The following SEMA3E variants were observed in gnomAD, a reference collection of about 807,000 sequenced individuals.
SEMA3E encodes the protein semaphorin-3E.
A neutral mutation model predicts 93.6 loss-of-function variants in SEMA3E; 49 were observed. The ratio of observed to expected loss-of-function variants is 0.52; its 90% confidence interval spans 0.42 to 0.66. The LOEUF (loss-of-function observed/expected upper bound fraction) is 0.66. SEMA3E is among the 30% of genes least tolerant of loss of function. SEMA3E has a pLI of 0.00. For synonymous variants in SEMA3E, 363 were observed against 330.7 expected (o/e 1.10, Z -1.06); for missense variants, 906 against 964.8 (o/e 0.94, Z 0.81).
At chr7:83,541,984 C>T (rs1005614240) in intron 1 of SEMA3E, among the ~76,000 whole-genome samples, 1 of 151,976 alleles carries the variant, frequency 6.6e-6, no homozygotes, top group African/African-American at 2.4e-5. Flanking sequence ...TTGCTTGGTG[C>T]TACAGTCAGC....
intron 2 of SEMA3E, among the ~76,000 whole-genome samples, chr7:83,470,929 A>C (rs1789880979): frequency 6.7e-6 from 1 of 150,154 alleles, no homozygotes; most frequent in East Asian, 2.0e-4. Flanking sequence ...CCCCTCATAC[A>C]AGGCCATATA....
intron 1 of SEMA3E, among the ~76,000 whole-genome samples, chr7:83,609,595 C>T (rs975827312): frequency 6.6e-6 from 1 of 151,938 alleles, no homozygotes; most frequent in African/African-American, 2.4e-5. Context: ...ATACCACTCT[C>T]ATTCAAACAA....
chr7:83,414,323 T>G (rs1788500653), intron 5 of SEMA3E, among the ~76,000 whole-genome samples: 2 of 150,286 alleles, frequency 1.3e-5, no homozygotes, highest in Non-Finnish European at 3.0e-5. Context: ...ATATAGTTAA[T>G]TAAAAATAAA....
intron 1 of SEMA3E, among the ~76,000 whole-genome samples, chr7:83,525,850 T>C (rs934609727): frequency 6.7e-5 from 10 of 149,894 alleles, no homozygotes; most frequent in Non-Finnish European, 4.4e-5. Flanking sequence ...CCAGTGATCT[T>C]GGGTTGTATA....
At chr7:83,624,052 A>G (rs1346509236) in intron 1 of SEMA3E, among the ~76,000 whole-genome samples, 1 of 152,008 alleles carries the variant, frequency 6.6e-6, no homozygotes, top group East Asian at 1.9e-4. Flanking sequence ...AAGGGCATGA[A>G]CTCATTCTTT....
At chr7:83,449,888 T>C (rs1335934558) in intron 4 of SEMA3E, among the ~76,000 whole-genome samples, 1 of 152,224 alleles carries the variant, frequency 6.6e-6, no homozygotes, top group East Asian at 1.9e-4. Context: ...ATTTTCTGTA[T>C]GCTGAGTATT....
intron 10 of SEMA3E, among the ~76,000 whole-genome samples, chr7:83,400,562 G>A (rs1230393520): frequency 6.6e-6 from 1 of 151,746 alleles, no homozygotes; most frequent in East Asian, 1.9e-4. Context: ...CTTCAAGCAG[G>A]CCCCTACATC....
At chr7:83,415,081 G>A (rs943332229) in intron 5 of SEMA3E, among the ~76,000 whole-genome samples, 1 of 152,014 alleles carries the variant, frequency 6.6e-6, no homozygotes, top group African/African-American at 2.4e-5. Flanking sequence ...ACTGTTTCCT[G>A]GATTTTTATT....
intron 6 of SEMA3E, 54 bp downstream of exon 6, chr7:83,408,314 A>T (rs1584227899): frequency 4.4e-6 from 7 of 1,608,658 alleles, no homozygotes; most frequent in Non-Finnish European, 6.0e-6. Context: ...CATTTTCCGT[A>T]AGTTTTAGAG....
intron 5 of SEMA3E, among the ~76,000 whole-genome samples, chr7:83,410,146 T>A (rs1189506607): frequency 6.6e-6 from 1 of 151,850 alleles, no homozygotes; most frequent in Non-Finnish European, 1.5e-5. Context: ...CCTAAAACAC[T>A]CTATGAGATA....
chr7:83,381,543 A>AT (rs992428699), intron 16 of SEMA3E, among the ~76,000 whole-genome samples: 12 of 151,346 alleles, frequency 7.9e-5, no homozygotes, highest in Non-Finnish European at 1.5e-4. Flanking sequence ...TCTCCCTTGC[A>AT]TTTTTTTCTT....
intron 1 of SEMA3E, among the ~76,000 whole-genome samples, chr7:83,615,635 G>A (rs42022): frequency 0.29 from 43,456 of 151,702 alleles, 6,827 homozygotes; most frequent in South Asian, 0.35. Flanking sequence ...CTTTATACAC[G>A]CCCCATCATT....
At chr7:83,395,154 A>G (rs1223294347) in intron 12 of SEMA3E, among the ~76,000 whole-genome samples, 1 of 152,218 alleles carries the variant, frequency 6.6e-6, no homozygotes, top group Non-Finnish European at 1.5e-5. Context: ...GTTTCTTAAG[A>G]GTTTTCATGG....
At chr7:83,417,589 C>T (rs192636230) in intron 5 of SEMA3E, among the ~76,000 whole-genome samples, 3 of 152,074 alleles carry the variant, frequency 2.0e-5, no homozygotes, top group African/African-American at 4.8e-5. Flanking sequence ...AATCTCTCAA[C>T]GCTGAGGGAA....
chr7:83,604,580 CATAT>C (rs1228570988), intron 1 of SEMA3E, among the ~76,000 whole-genome samples: 1 of 149,074 alleles, frequency 6.7e-6, no homozygotes, highest in African/African-American at 2.5e-5. Context: ...TATAACCCAA[CATAT>C]ATATATATAC....
chr7:83,403,837 G>C (rs960975409), intron 9 of SEMA3E, among the ~76,000 whole-genome samples: 1 of 151,850 alleles, frequency 6.6e-6, no homozygotes, highest in Admixed American at 6.6e-5. Context: ...GTGGTAGCAC[G>C]CCTTTGATCA....
chr7:83,596,364 T>C (rs531904029), intron 1 of SEMA3E, among the ~76,000 whole-genome samples: 70 of 152,170 alleles, frequency 4.6e-4, no homozygotes, highest in African/African-American at 1.7e-3. Context: ...AACCCTGGCT[T>C]CTTTTAACGG....
intron 10 of SEMA3E, 99 bp downstream of exon 10, chr7:83,402,533 C>A (rs1788251084): frequency 9.3e-7 from 1 of 1,077,424 alleles, no homozygotes; most frequent in Non-Finnish European, 1.4e-6. Context: ...GTATAGTATT[C>A]CTTAATTGTT....
At position 83,648,794 on chromosome 7, in the gene SEMA3E, T is replaced by C. The variant is rs1034170373; in HGVS notation, c.-252A>G. 7.9e-5 allele frequency: 43 copies of C among 543,954 alleles called. No individual in the cohort carries two copies. The Admixed American group carries it at 1.2e-3, about 15-fold the overall frequency. The allele number at this position is 543,954 out of a possible 1,614,324, so 33.7% of individuals were successfully genotyped here. A position where few individuals can be genotyped will look rare whatever the true frequency, so the allele number is the denominator to read the frequency against. Reference sequence around the variant, plus strand: ...CAAAGAGTGAGTCTTCAGAGCCATGTCCTGTCTAGAGCGCTCTTCAGCAAC... The same window carrying C: ...CAAAGAGTGAGTCTTCAGAGCCATGCCCTGTCTAGAGCGCTCTTCAGCAAC... On this transcript the variant is annotated 5_prime_UTR_variant, in exon 1 of 17. Transcript: ENST00000643230.
Sources: gnomAD v4.1 joint callset for allele counts (sites outside exome capture counted in the v4.1 genomes callset) on GRCh38, gnomAD v4.1.1 for gene constraint, MANE v1.5 for transcripts, NCBI Gene and HGNC (gene_info 2026-07-23, HGNC 2026-07-21) for gene names.